The following VTA1 variants were observed in gnomAD, a reference collection of about 807,000 sequenced individuals.
VTA1 encodes the protein vesicle trafficking 1.
VTA1 carries 24 observed loss-of-function variants against 36.9 expected under a neutral mutation model. The ratio of observed to expected loss-of-function variants is 0.65; its 90% CI spans 0.47 to 0.91. The LOEUF (loss-of-function observed/expected upper bound fraction) is 0.91. Ranked by LOEUF, VTA1 falls within the 40% of genes least tolerant of loss-of-function variation. The probability of loss-of-function intolerance (pLI) is 0.00; values close to 1 mark genes in which losing one functional copy is unlikely to be tolerated. For missense variants in VTA1, 393 were observed against 377.2 expected (o/e 1.04, Z -0.35); for synonymous variants, 142 against 130.2 (o/e 1.09, Z -0.62).
At chr6:142,175,912 T>C (rs1775114572) in intron 4 of VTA1, among the ~76,000 whole-genome samples, 1 of 152,180 alleles carries the variant, frequency 6.6e-6, no homozygotes, top group African/African-American at 2.4e-5. Context: ...TTATCTTATC[T>C]CTATTTTAGG....
intron 2 of VTA1, among the ~76,000 whole-genome samples, chr6:142,167,689 G>A (rs1562258287): frequency 2.0e-5 from 3 of 152,142 alleles, no homozygotes; most frequent in Admixed American, 6.5e-5. Flanking sequence ...GACTCCTGTC[G>A]TCTGCTACTG....
intron 7 of VTA1, among the ~76,000 whole-genome samples, chr6:142,212,020 A>C (rs1431951322): frequency 6.6e-6 from 1 of 152,214 alleles, no homozygotes; most frequent in Admixed American, 6.5e-5. Flanking sequence ...ACAGCACCAA[A>C]TGCTGGTGAC....
chr6:142,184,785 TA>T (rs987663905), intron 4 of VTA1, among the ~76,000 whole-genome samples: 1 of 152,182 alleles, frequency 6.6e-6, no homozygotes, highest in Admixed American at 6.5e-5. Context: ...GCCAGTCTTA[TA>T]ATGTCTCAAA....
At chr6:142,171,115 A>G (rs1023894567) in intron 4 of VTA1, among the ~76,000 whole-genome samples, 3 of 148,252 alleles carry the variant, frequency 2.0e-5, no homozygotes, top group Non-Finnish European at 4.5e-5. Context: ...TTTTTTTGAG[A>G]TGGAATTTTG....
At chr6:142,176,222 C>A (rs190709694) in intron 4 of VTA1, among the ~76,000 whole-genome samples, 1 of 152,184 alleles carries the variant, frequency 6.6e-6, no homozygotes, top group East Asian at 1.9e-4. Flanking sequence ...CATTCATAAT[C>A]TTTGGTTAAG....
chr6:142,177,362 T>C (rs1011235468), intron 4 of VTA1, among the ~76,000 whole-genome samples: 2 of 152,252 alleles, frequency 1.3e-5, no homozygotes, highest in African/African-American at 2.4e-5. Flanking sequence ...AGTTAACTTA[T>C]GTAAGCCTGT....
chr6:142,147,802 G>C (rs1294436539), intron 1 of VTA1, among the ~76,000 whole-genome samples: 4 of 152,170 alleles, frequency 2.6e-5, no homozygotes, highest in Non-Finnish European at 4.4e-5. Context: ...TAGACTAGTT[G>C]AAAACATAGT....
chr6:142,218,084 C>CA (rs1381083787), intron 7 of VTA1, among the ~76,000 whole-genome samples: 1 of 151,956 alleles, frequency 6.6e-6, no homozygotes, highest in African/African-American at 2.4e-5. Flanking sequence ...ACCTGGTTTT[C>CA]TTTACATAAA....
chr6:142,190,856 T>C (rs377542192), intron 5 of VTA1, among the ~76,000 whole-genome samples: 1 of 152,194 alleles, frequency 6.6e-6, no homozygotes, highest in Non-Finnish European at 1.5e-5. Flanking sequence ...AAAAAATGAG[T>C]GTGGTTGTGT....
intron 4 of VTA1, among the ~76,000 whole-genome samples, chr6:142,177,269 A>G (rs1167809214): frequency 6.6e-6 from 1 of 152,230 alleles, no homozygotes; most frequent in Non-Finnish European, 1.5e-5. Context: ...ATATTTTTTC[A>G]TACAGTATTA....
At chr6:142,218,406 A>G (rs374800495) in intron 7 of VTA1, 92 bp from the exon 8 acceptor site, 2 of 1,322,110 alleles carry the variant, frequency 1.5e-6, no homozygotes, top group Non-Finnish European at 2.1e-6. Flanking sequence ...AGCCTTAAAT[A>G]TGTTTTTTAA....
chr6:142,188,038 G>A (rs866609357), intron 4 of VTA1, among the ~76,000 whole-genome samples: 2 of 149,750 alleles, frequency 1.3e-5, no homozygotes, highest in Admixed American at 6.7e-5. Context: ...CTTTTGAGTA[G>A]CTGGGATTAC....
intron 4 of VTA1, 60 bp downstream of exon 4, chr6:142,170,481 A>G (rs1018910032): frequency 1.0e-5 from 12 of 1,157,250 alleles, no homozygotes; most frequent in African/African-American, 3.2e-5. Context: ...CTGTTTATCA[A>G]TATTGTTATT....
At chr6:142,198,113 ATATATATGTGTGTGTGTGTGTGTG>A (rs1218124517) in intron 5 of VTA1, among the ~76,000 whole-genome samples, 2 of 116,970 alleles carry the variant, frequency 1.7e-5, no homozygotes, top group African/African-American at 7.2e-5. Flanking sequence ...AAATATATAT[ATATATATGTGTGTGTGTGTGTGTG>A]TGTGTGTGTG....
intron 5 of VTA1, 122 bp from the exon 6 acceptor site, chr6:142,198,317 C>T: frequency 2.4e-6 from 2 of 850,060 alleles, no homozygotes; most frequent in Non-Finnish European, 3.3e-6. Flanking sequence ...GCTTGCTTCT[C>T]CACTGCATTA....
intron 5 of VTA1, among the ~76,000 whole-genome samples, 165 bp from the exon 6 acceptor site, chr6:142,198,274 T>TA (rs763054430): frequency 1.3e-5 from 2 of 151,686 alleles, no homozygotes; most frequent in Non-Finnish European, 2.9e-5. Flanking sequence ...TTTAAGAAAA[T>TA]AAAAAAATTA....
chr6:142,168,263 G>A (rs1774959221), intron 2 of VTA1, among the ~76,000 whole-genome samples: 1 of 151,812 alleles, frequency 6.6e-6, no homozygotes, highest in Non-Finnish European at 1.5e-5. Flanking sequence ...TTATCTGTGG[G>A]GATTTTTTTT....
chr6:142,187,536 A>T (rs1049713867), intron 4 of VTA1, among the ~76,000 whole-genome samples: 5 of 152,168 alleles, frequency 3.3e-5, no homozygotes, highest in African/African-American at 1.2e-4. Flanking sequence ...TTACTGGAGA[A>T]TATGAACTAT....
Position 142,204,062 on chromosome 6 carries a change from C to T in VTA1, c.775C>T (p.Gln259Ter), listed in dbSNP as rs1171737900. Residue 259 changes from glutamine to a stop codon, truncating the protein, a stop_gained, in exon 7 of 8, where the codon CAG becomes TAG. Transcript: ENST00000367630. LOFTEE classifies it high-confidence loss of function. ...IDPALFNTIS[Q>*]GDVRLTPEDF... is the part of the protein sequence containing the mutation. ...TCCCGCACTTTTCAATACAATTTCC[C>T]AGGGTAAGTCAGCTGACTATTTTGT... 1 of 1,613,004 alleles carries T rather than the reference C, an allele frequency of 6.2e-7. No individual in the cohort carries two copies. Among genetic ancestry groups the T allele is most frequent in the East Asian group, 2.2e-5 (1 of 44,806 alleles).
Sources: gnomAD v4.1 joint callset for allele counts (sites outside exome capture counted in the v4.1 genomes callset) on GRCh38, gnomAD v4.1.1 for gene constraint, MANE v1.5 for transcripts, NCBI Gene and HGNC (gene_info 2026-07-23, HGNC 2026-07-21) for gene names.